EEFSEC: variants seen among roughly 807,000 people sequenced by gnomAD.
The protein encoded by EEFSEC is selenocysteine-specific elongation factor.
EEFSEC carries 43 observed loss-of-function variants against 42.1 expected under a neutral mutation model. That is an observed-to-expected ratio of 1.02 (90% CI 0.80 to 1.32). The LOEUF (loss-of-function observed/expected upper bound fraction) is 1.32. EEFSEC is among the 40% of genes most tolerant of loss of function. The pLI, the probability that EEFSEC is intolerant of heterozygous loss-of-function variation, is 0.00. For missense variants in EEFSEC, 745 were observed against 803.6 expected (o/e 0.93, Z 0.88); for synonymous variants, 354 against 339.1 (o/e 1.04, Z -0.48).
At chr3:128,399,736 C>T (rs1026691948) in intron 6 of EEFSEC, among the ~76,000 whole-genome samples, 4 of 151,790 alleles carry the variant, frequency 2.6e-5, no homozygotes, top group South Asian at 4.2e-4. Flanking sequence ...TCTCAGGGAG[C>T]GCTCACACTG....
chr3:128,279,085 G>A (rs2107962273), intron 4 of EEFSEC, among the ~76,000 whole-genome samples: 1 of 152,300 alleles, frequency 6.6e-6, no homozygotes, highest in Admixed American at 6.5e-5. Context: ...GGGCAGGGAG[G>A]GAAGGCCGGC....
chr3:128,161,670 C>T (rs1441578974), intron 1 of EEFSEC, among the ~76,000 whole-genome samples: 1 of 152,210 alleles, frequency 6.6e-6, no homozygotes, highest in Non-Finnish European at 1.5e-5. Context: ...ACTTAAGCGA[C>T]TTTGCCTTTT....
chr3:128,414,225 G>T, the EEFSEC span, among the ~76,000 whole-genome samples: 2 of 152,210 alleles, frequency 1.3e-5, no homozygotes, highest in African/African-American at 4.8e-5. Flanking sequence ...TGGAGGGTCT[G>T]TGGGGTGTGG....
chr3:128,380,609 A>G (rs2067764417), intron 6 of EEFSEC, among the ~76,000 whole-genome samples: 2 of 152,336 alleles, frequency 1.3e-5, no homozygotes, highest in Non-Finnish European at 2.9e-5. Flanking sequence ...TACGTTTTAC[A>G]TACTTGGTTT....
intron 1 of EEFSEC, among the ~76,000 whole-genome samples, chr3:128,228,496 G>T (rs2065929585): frequency 6.6e-6 from 1 of 152,110 alleles, no homozygotes; most frequent in Non-Finnish European, 1.5e-5. Flanking sequence ...GGGGGTGGTG[G>T]GTGTGAGGCT....
intron 6 of EEFSEC, 79 bp downstream of exon 6, chr3:128,358,452 G>A (rs150327823): frequency 2.4e-5 from 38 of 1,555,930 alleles, no homozygotes; most frequent in South Asian, 1.7e-4. Context: ...CCAAGGTGGC[G>A]CTCCTTGGCT....
intron 1 of EEFSEC, among the ~76,000 whole-genome samples, chr3:128,227,667 A>G (rs764923458): frequency 2.6e-5 from 4 of 152,144 alleles, no homozygotes; most frequent in Non-Finnish European, 5.9e-5. Flanking sequence ...TGCTTCCATG[A>G]TAGGGGAGGA....
chr3:128,366,167 G>A (rs1447347209), intron 6 of EEFSEC, among the ~76,000 whole-genome samples: 1 of 152,232 alleles, frequency 6.6e-6, no homozygotes, highest in Non-Finnish European at 1.5e-5. Flanking sequence ...GTGGTTTTGG[G>A]GGACCAGTGT....
intron 3 of EEFSEC, among the ~76,000 whole-genome samples, chr3:128,264,346 G>A (rs542983359): frequency 7.9e-5 from 12 of 152,258 alleles, no homozygotes; most frequent in African/African-American, 2.9e-4. Context: ...CATTGTAGCA[G>A]TCCCACGGGA....
At chr3:128,235,988 G>A (rs938215625) in intron 1 of EEFSEC, among the ~76,000 whole-genome samples, 3 of 146,662 alleles carry the variant, frequency 2.0e-5, no homozygotes, top group East Asian at 2.1e-4. Context: ...GTTTTCAGAC[G>A]GAGTCTCACT....
chr3:128,333,123 C>T (rs1187237784), intron 4 of EEFSEC, among the ~76,000 whole-genome samples: 1 of 152,168 alleles, frequency 6.6e-6, no homozygotes, highest in Non-Finnish European at 1.5e-5. Flanking sequence ...CAACCCTAGC[C>T]CTTGGCACAA....
At chr3:128,247,218 G>A (rs1018728001) in intron 2 of EEFSEC, among the ~76,000 whole-genome samples, 175 bp downstream of exon 2, 1 of 152,152 alleles carries the variant, frequency 6.6e-6, no homozygotes, top group Non-Finnish European at 1.5e-5. Context: ...AAAGGCTAAC[G>A]TGTTTTTAAA....
intron 1 of EEFSEC, among the ~76,000 whole-genome samples, chr3:128,224,313 A>G (rs1342153898): frequency 6.6e-6 from 1 of 152,176 alleles, no homozygotes; most frequent in African/African-American, 2.4e-5. Context: ...AGTAAATGCA[A>G]TTGGTGTATA....
At chr3:128,185,184 T>C (rs1033298167) in intron 1 of EEFSEC, among the ~76,000 whole-genome samples, 1 of 152,198 alleles carries the variant, frequency 6.6e-6, no homozygotes, top group Non-Finnish European at 1.5e-5. Context: ...TTAGTGTGAA[T>C]ATTTAATGTT....
intron 1 of EEFSEC, among the ~76,000 whole-genome samples, chr3:128,166,510 C>T (rs1049686888): frequency 6.6e-5 from 10 of 152,112 alleles, no homozygotes; most frequent in Non-Finnish European, 7.4e-5. Context: ...TTTGACAGCG[C>T]AGGGCTGGAT....
intron 1 of EEFSEC, among the ~76,000 whole-genome samples, chr3:128,160,690 T>G (rs1284722076): frequency 2.0e-5 from 3 of 152,156 alleles, no homozygotes; most frequent in Admixed American, 1.3e-4. Context: ...GAATATGTTA[T>G]TCCCAGGAGA....
At chr3:128,231,676 A>T (rs1215580901) in intron 1 of EEFSEC, among the ~76,000 whole-genome samples, 1 of 151,870 alleles carries the variant, frequency 6.6e-6, no homozygotes, top group Non-Finnish European at 1.5e-5. Context: ...CTGCCCCAGG[A>T]TCCAAGGTGG....
intron 1 of EEFSEC, among the ~76,000 whole-genome samples, chr3:128,175,553 C>G (rs1256631063): frequency 6.6e-6 from 1 of 152,158 alleles, no homozygotes; most frequent in Non-Finnish European, 1.5e-5. Flanking sequence ...TGAAGGCTGG[C>G]AGATGCTGAG....
intron 4 of EEFSEC, among the ~76,000 whole-genome samples, chr3:128,330,542 C>A (rs931955089): frequency 2.0e-5 from 3 of 152,072 alleles, no homozygotes; most frequent in South Asian, 2.1e-4. Context: ...GTGAGCTGGT[C>A]GGGGGACCCC....
Sources: allele counts gnomAD v4.1 joint callset (sites outside exome capture counted in the v4.1 genomes callset), GRCh38; gene constraint gnomAD v4.1.1; transcripts MANE v1.5; gene names NCBI Gene and HGNC (gene_info 2026-07-23, HGNC 2026-07-21).